NDUFAF3: variants seen among roughly 807,000 people sequenced by gnomAD.
NDUFAF3 encodes the protein NADH dehydrogenase [ubiquinone] 1 alpha subcomplex assembly factor 3.
Under a neutral mutation model 22.6 loss-of-function variants are expected in NDUFAF3, and 21 were observed. The observed-to-expected ratio is 0.93, with a 90% CI of 0.66 to 1.34. The LOEUF is 1.34. NDUFAF3 is among the 40% of genes most tolerant of loss of function. The pLI is 0.00. For synonymous variants in NDUFAF3, 113 were observed against 104.9 expected (o/e 1.08, Z -0.47); for missense variants, 251 against 248.4 (o/e 1.01, Z -0.07).
At chr3:49,021,837 G>C (rs1461224600), upstream of NDUFAF3, 1 of 468,544 alleles carries the variant, frequency 2.1e-6, no homozygotes, top group Admixed American at 4.0e-5. The surrounding 1 kb of genome is among the most constrained non-coding windows in gnomAD (Gnocchi z 4.1). Context: ...GAGCCCGGGG[G>C]CCAGGCCGCG....
rs2093175879 is a variant in NDUFAF3 at position 49,022,875 on chromosome 3, G to C, written c.338-1G>C. The C allele has an allele frequency of 1.2e-6, 2 of 1,613,850 alleles. No individual in the cohort carries two copies. The highest frequency in any genetic ancestry group is 8.5e-7 in the Non-Finnish European group (1 of 1,180,014). On this transcript the variant is annotated splice_acceptor_variant, in intron 3 of 4. Coordinates refer to ENST00000326925, the MANE Select transcript of NDUFAF3 (RefSeq NM_199069.2). LOFTEE classifies it high-confidence loss of function. This position sits in a 1 kb window ranked among gnomAD's most constrained non-coding sequence, Gnocchi z 6.6. ...GACTAGCCACACCCACCCTTCCCTA[G>C]AGATCGTGGTGGTGGGGACTGGAGA...
Position 49,022,808 on chromosome 3 carries a change from C to A in NDUFAF3, c.337+40C>A. ...GAGGGAGAACAGAGGTGTTCTGGGC[C>A]CCAGAAGGCGACCCCCACTGCAGCC... On this transcript the variant is annotated intron_variant, in intron 3 of 4. Transcript: ENST00000326925. The surrounding 1 kb of genome is among the most constrained non-coding windows in gnomAD (Gnocchi z 6.6). 1.2e-6 allele frequency: 2 copies of A among 1,613,368 alleles called. No individual in the cohort carries two copies. Among genetic ancestry groups the A allele is most frequent in the Non-Finnish European group, 1.7e-6 (2 of 1,179,776 alleles).
chr3:49,021,395 A>G (rs2093155422), upstream of NDUFAF3: 1 of 152,722 alleles, frequency 6.5e-6, no homozygotes, highest in Admixed American at 6.5e-5. This position sits in a 1 kb window ranked among gnomAD's most constrained non-coding sequence, Gnocchi z 4.1. Context: ...GTGAACGAGG[A>G]CAAGGTGATG....
Position 49,023,232 on chromosome 3 carries a change from A to G in NDUFAF3, c.*60A>G. The G allele has an allele frequency of 8.0e-7, 1 of 1,243,208 alleles. No homozygotes were observed. Among genetic ancestry groups the G allele is most frequent in the Non-Finnish European group, 1.2e-6 (1 of 842,962 alleles). The allele number at this position is 1,243,208 out of a possible 1,614,324, so 77.0% of individuals were successfully genotyped here. A position where few individuals can be genotyped will look rare whatever the true frequency, so the allele number is the denominator to read the frequency against. On this transcript the variant is annotated 3_prime_UTR_variant, in exon 5 of 5. Coordinates refer to ENST00000326925, the MANE Select transcript of NDUFAF3 (RefSeq NM_199069.2). ...CAGGCTTCCCAATGCTTTCACTCTTATCTACCCTTTGGCACTTATCTTGCT... is the reference window on the plus strand; with the variant it reads ...CAGGCTTCCCAATGCTTTCACTCTTGTCTACCCTTTGGCACTTATCTTGCT...
Position 49,022,758 on chromosome 3 carries a change from G to A in NDUFAF3, c.327G>A (p.Glu109=). ...EDSFSLFWLL[E]PRIEIVVVGT... ...GCTTTTCCCTCTTCTGGTTGCTGGA[G>A]CCCCGGATAGGTACTGGGGAAGGGG... The change falls in exon 3 of 5, where the codon GAG becomes GAA. Residue 109 remains glutamate (E), a synonymous_variant. Coordinates refer to ENST00000326925, the MANE Select transcript of NDUFAF3 (RefSeq NM_199069.2). The surrounding 1 kb of genome is among the most constrained non-coding windows in gnomAD (Gnocchi z 6.6). 2 of 1,614,052 alleles carry A rather than the reference G, an allele frequency of 1.2e-6. No individual in the cohort carries two copies. Among genetic ancestry groups the A allele is most frequent in the Non-Finnish European group, 1.7e-6 (2 of 1,180,032 alleles).
upstream of NDUFAF3, chr3:49,022,020 T>A: frequency 9.9e-7 from 1 of 1,011,926 alleles, no homozygotes; most frequent in Non-Finnish European, 1.5e-6. The surrounding 1 kb of genome is among the most constrained non-coding windows in gnomAD (Gnocchi z 6.6). Flanking sequence ...GCTGGGCCGG[T>A]CGAGCTGTGC....
At chr3:49,021,719 A>T (rs1449503036), upstream of NDUFAF3, 1 of 198,438 alleles carries the variant, frequency 5.0e-6, no homozygotes, top group Non-Finnish European at 1.0e-5. The surrounding 1 kb of genome is among the most constrained non-coding windows in gnomAD (Gnocchi z 4.1). Context: ...CGAAGCCCCA[A>T]AGGCTGGAAT....
rs1055153686 is a variant in NDUFAF3, at chr3:49,022,304, T to TGCCCG, written c.78-32_78-28dup. The TGCCCG allele has an allele frequency of 1.5e-5, 24 of 1,606,672 alleles. No individual in the cohort carries two copies. The African/African-American group carries it at 2.1e-4, about 14-fold the overall frequency. On this transcript the variant is annotated intron_variant, in intron 1 of 4. Transcript: ENST00000326925. This position sits in a 1 kb window ranked among gnomAD's most constrained non-coding sequence, Gnocchi z 6.6. ...CCCAGCACCTTCCGGCCTCTCGGGCTGCCCGGCCCGGCCCCGCGCCCCTGA... is the reference window on the plus strand; with the variant it reads ...CCCAGCACCTTCCGGCCTCTCGGGCTGCCCGGCCCGGCCCGGCCCCGCGCCCCTGA...
In NDUFAF3 at chr3:49,022,518, C is replaced by T. The variant is rs1348681763; in HGVS notation, c.250C>T (p.His84Tyr). 1.2e-6 allele frequency: 2 copies of T among 1,613,178 alleles called. No individual in the cohort carries two copies. The highest frequency in any genetic ancestry group is 2.7e-5 in the African/African-American group (2 of 74,948). Residue 84 changes from histidine to tyrosine, a missense_variant, in exon 2 of 5, where the codon CAC becomes TAC. Coordinates refer to ENST00000326925, the MANE Select transcript of NDUFAF3 (RefSeq NM_199069.2). The surrounding 1 kb of genome is among the most constrained non-coding windows in gnomAD (Gnocchi z 6.6). The part of the protein sequence containing the change: ...RVLGPCALLP[H>Y]SVVQWNVGSH... The stretch of plus-strand genomic sequence containing the variant: ...GCTCGGCCCCTGCGCTCTGCTCCCG[C>T]ACTCGGTGGTGCAGTGGAACGTGAG...
chr3:49,020,557 A>G (rs2093145484), upstream of NDUFAF3: 2 of 464,096 alleles, frequency 4.3e-6, no homozygotes, highest in Non-Finnish European at 9.0e-6. Context: ...CTGAGACCCA[A>G]GCAGCTCAGT....
upstream of NDUFAF3, chr3:49,021,652 G>A (rs924953372): frequency 5.8e-6 from 1 of 171,038 alleles, no homozygotes; most frequent in African/African-American, 2.4e-5. The surrounding 1 kb of genome is among the most constrained non-coding windows in gnomAD (Gnocchi z 4.1). Flanking sequence ...GTTAGGGCGG[G>A]GCGTGCTTCC....
chr3:49,022,588 T>G lies in NDUFAF3; in HGVS notation c.270+50T>G. 6.2e-7 allele frequency: 1 copy of G among 1,613,328 alleles called. No individual in the cohort carries two copies. Among genetic ancestry groups the G allele is most frequent in the Non-Finnish European group, 8.5e-7 (1 of 1,179,682 alleles). On this transcript the variant is annotated intron_variant, in intron 2 of 4. Coordinates refer to ENST00000326925, the MANE Select transcript of NDUFAF3 (RefSeq NM_199069.2). The surrounding 1 kb of genome is among the most constrained non-coding windows in gnomAD (Gnocchi z 6.6). Reference sequence around the variant, plus strand: ...AACTGAGGCCCAGAGTCACAGGCCCTCACCCTGCTTGGTCCCTGCAAACTT... The same window carrying G: ...AACTGAGGCCCAGAGTCACAGGCCCGCACCCTGCTTGGTCCCTGCAAACTT...
In NDUFAF3 at chr3:49,022,792, C is replaced by T; in HGVS notation, c.337+24C>T. ...AGGTACTGGGGAAGGGGAGGGAGAA[C>T]AGAGGTGTTCTGGGCCCCAGAAGGC... On this transcript the variant is annotated intron_variant, in intron 3 of 4. Transcript: ENST00000326925. The surrounding 1 kb of genome is among the most constrained non-coding windows in gnomAD (Gnocchi z 6.6). 1.2e-6 allele frequency: 2 copies of T among 1,613,810 alleles called. No homozygotes were observed. The highest frequency in any genetic ancestry group is 2.2e-5 in the South Asian group (2 of 91,078).
intron 4 of NDUFAF3, 39 bp from the exon 5 acceptor site, chr3:49,023,017 C>T (rs1463688848): frequency 8.7e-6 from 14 of 1,613,758 alleles, no homozygotes; most frequent in African/African-American, 2.7e-5. Flanking sequence ...GAGCACAGGC[C>T]TGGCGCTAGA....
chr3:49,023,042 C>T lies in NDUFAF3; in HGVS notation c.439-14C>T. 6.2e-7 allele frequency: 1 copy of T among 1,613,950 alleles called. No homozygotes were observed. Among genetic ancestry groups the T allele is most frequent in the Non-Finnish European group, 8.5e-7 (1 of 1,179,830 alleles). ...CTGGCGCTAGACAGGCTGATGCTGGCCTTTTCTTTGCAGCCCAATGCCTGT... is the reference window on the plus strand; with the variant it reads ...CTGGCGCTAGACAGGCTGATGCTGGTCTTTTCTTTGCAGCCCAATGCCTGT... On this transcript the variant is annotated splice_polypyrimidine_tract_variant and intron_variant, in intron 4 of 4. Coordinates refer to ENST00000326925, the MANE Select transcript of NDUFAF3 (RefSeq NM_199069.2).
chr3:49,023,183 A>G lies in NDUFAF3; in HGVS notation c.*11A>G. On this transcript the variant is annotated 3_prime_UTR_variant, in exon 5 of 5. Transcript: ENST00000326925. ...CAAGCTGCTCAATGAACCGCCAGGA[A>G]CTGACCTGCTGACTGCACTCTGCCA... The G allele has an allele frequency of 6.3e-7, 1 of 1,597,980 alleles. No homozygotes were observed. Among genetic ancestry groups the G allele is most frequent in the Non-Finnish European group, 8.6e-7 (1 of 1,165,716 alleles).
At chr3:49,021,865 G>A (rs2093160881), upstream of NDUFAF3, 2 of 512,510 alleles carry the variant, frequency 3.9e-6, no homozygotes, top group Non-Finnish European at 6.9e-6. This position sits in a 1 kb window ranked among gnomAD's most constrained non-coding sequence, Gnocchi z 4.1. Flanking sequence ...CCCAGGCAAC[G>A]CCCTGAGGGT....
In NDUFAF3 at chr3:49,022,287, C is replaced by T. The variant is rs984366745; in HGVS notation, c.78-59C>T. ...GGGCCGGCGACTGCCAGCCCAGCACCTTCCGGCCTCTCGGGCTGCCCGGCC... is the reference window on the plus strand; with the variant it reads ...GGGCCGGCGACTGCCAGCCCAGCACTTTCCGGCCTCTCGGGCTGCCCGGCC... On this transcript the variant is annotated intron_variant, in intron 1 of 4. Coordinates refer to ENST00000326925, the MANE Select transcript of NDUFAF3 (RefSeq NM_199069.2). The surrounding 1 kb of genome is among the most constrained non-coding windows in gnomAD (Gnocchi z 6.6). The T allele has an allele frequency of 1.9e-6, 3 of 1,607,162 alleles. No individual in the cohort carries two copies. The highest frequency in any genetic ancestry group is 1.7e-5 in the Admixed American group (1 of 59,776).
chr3:49,021,380 G>A (rs2093155213), upstream of NDUFAF3: 2 of 152,810 alleles, frequency 1.3e-5, 1 homozygote, highest in Admixed American at 1.3e-4. This position sits in a 1 kb window ranked among gnomAD's most constrained non-coding sequence, Gnocchi z 4.1. Flanking sequence ...CAGGACGCGA[G>A]CAGAGTGAAC....
Sources: gnomAD v4.1 joint callset for allele counts on GRCh38, gnomAD v4.1.1 for gene constraint, Gnocchi (gnomAD v3.1) non-coding constraint, MANE v1.5 for transcripts, NCBI Gene and HGNC (gene_info 2026-07-23, HGNC 2026-07-21) for gene names.